The following MIA3 variants were observed in gnomAD, a reference collection of about 807,000 sequenced individuals.
MIA3 encodes the protein transport and Golgi organization protein 1 homolog.
A neutral mutation model predicts 192.4 loss-of-function variants in MIA3; 90 were observed. That is an observed-to-expected ratio of 0.47 (90% confidence interval 0.39 to 0.56). The LOEUF (loss-of-function observed/expected upper bound fraction) is 0.56, where lower values mean the gene tolerates loss of function less well. MIA3 is among the 20% of genes least tolerant of loss of function. The probability of loss-of-function intolerance (pLI) is 0.00; values close to 1 mark genes in which losing one functional copy is unlikely to be tolerated. For missense variants in MIA3, 2,123 were observed against 2,269.4 expected (o/e 0.94, Z 1.31); for synonymous variants, 740 against 792.8 (o/e 0.93, Z 1.12).
At chr1:222,636,644 C>T (rs1662638416) in intron 6 of MIA3, among the ~76,000 whole-genome samples, 1 of 151,560 alleles carries the variant, frequency 6.6e-6, no homozygotes, top group African/African-American at 2.4e-5. Flanking sequence ...TCCCAAGTAG[C>T]TGGGATTACA....
chr1:222,631,868 C>T (rs144487226), intron 4 of MIA3, among the ~76,000 whole-genome samples: 25 of 152,310 alleles, frequency 1.6e-4, no homozygotes, highest in African/African-American at 4.3e-4. Context: ...GTGGAATTCT[C>T]ATTTGCACAT....
At chr1:222,664,535 G>A (rs1323838501) in intron 27 of MIA3, among the ~76,000 whole-genome samples, 3 of 152,086 alleles carry the variant, frequency 2.0e-5, no homozygotes, top group Admixed American at 6.5e-5. Flanking sequence ...ACCCATAATG[G>A]AAGCATAAGC....
intron 7 of MIA3, chr1:222,647,986 A>G: frequency 3.0e-6 from 1 of 338,886 alleles, no homozygotes. Flanking sequence ...CTTATGGATG[A>G]TTTGTGGACT....
intron 19 of MIA3, 178 bp downstream of exon 19, chr1:222,659,001 A>T: frequency 1.9e-6 from 1 of 529,196 alleles, no homozygotes; most frequent in Non-Finnish European, 3.4e-6. Context: ...AGTGCTGGCA[A>T]AACTGTAAGG....
At position 222,665,414 on chromosome 1, in the gene MIA3, C is replaced by T. The variant is rs777336999; in HGVS notation, c.5519C>T (p.Ala1840Val). ...CCTCGGGGATTTTTACCTGGACACG[C>T]ACCATTTAGACCTTTAGGTTCACTT... ...LHPRGFLPGHAPFRPLGSLGP... is the reference protein window; with the variant it reads ...LHPRGFLPGHVPFRPLGSLGP... Residue 1840 changes from alanine (A) to valine (V), a missense_variant, in exon 28 of 28, where the codon GCA (alanine) becomes GTA (valine). Physicochemically the swap from Ala to Val is moderately conservative, Grantham distance 64 (BLOSUM62 0). Coordinates refer to ENST00000344922, the MANE Select transcript of MIA3 (RefSeq NM_198551.4). The T allele has an allele frequency of 2.5e-6, 4 of 1,613,920 alleles. No individual in the cohort carries two copies. Among genetic ancestry groups the T allele is most frequent in the Admixed American group, 3.3e-5 (2 of 59,990 alleles).
chr1:222,630,999 A>T (rs1400804220), intron 4 of MIA3, among the ~76,000 whole-genome samples: 1 of 152,178 alleles, frequency 6.6e-6, no homozygotes, highest in Non-Finnish European at 1.5e-5. Context: ...TCCTGACATA[A>T]GCATTCTGAT....
At chr1:222,622,419 C>G (rs1661913676) in intron 2 of MIA3, among the ~76,000 whole-genome samples, 1 of 152,100 alleles carries the variant, frequency 6.6e-6, no homozygotes, top group Middle Eastern at 3.2e-3. Context: ...TAGAGAAATA[C>G]CCATCCCGAC....
chr1:222,662,366 C>T, intron 26 of MIA3, 34 bp downstream of exon 26: 2 of 1,596,556 alleles, frequency 1.3e-6, no homozygotes, highest in Non-Finnish European at 1.7e-6. Flanking sequence ...TTAGTTATTT[C>T]AGGAACATTT....
intron 8 of MIA3, 75 bp from the exon 9 acceptor site, chr1:222,650,217 T>C (rs1328091424): frequency 1.2e-6 from 1 of 836,396 alleles, no homozygotes; most frequent in Non-Finnish European, 2.0e-6. Flanking sequence ...ATAACATGTC[T>C]TTGCTGCTGA....
chr1:222,630,862 C>A (rs73124815), intron 4 of MIA3, among the ~76,000 whole-genome samples: 5,545 of 152,176 alleles, frequency 0.036, 140 homozygotes, highest in East Asian at 0.12. Context: ...GGAGCACTTA[C>A]TCCAGTTAAA....
rs1231990550 is a variant in MIA3 at position 222,629,902 on chromosome 1, T to C, written c.2682T>C (p.Ser894=). ...EKYMGTESQG[S]AAAEPEDDSF... is the part of the protein sequence containing the mutation. ...ACATGGGCACAGAAAGCCAGGGGTC[T>C]GCTGCTGCAGAACCTGAAGATGACT... Residue 894 remains serine, a synonymous_variant, in exon 4 of 28, where the codon TCT becomes TCC. Transcript: ENST00000344922. The C allele has an allele frequency of 6.2e-7, 1 of 1,613,978 alleles. No homozygotes were observed. The highest frequency in any genetic ancestry group is 8.5e-7 in the Non-Finnish European group (1 of 1,180,030).
intron 20 of MIA3, 43 bp from the exon 21 acceptor site, chr1:222,659,579 A>G (rs746719673): frequency 6.2e-7 from 1 of 1,611,960 alleles, no homozygotes; most frequent in Non-Finnish European, 8.5e-7. Flanking sequence ...AGGCTATTAT[A>G]ATGAATCTGT....
chr1:222,642,613 T>C lies in MIA3; in HGVS notation c.3478-2941T>C, dbSNP rs1662913080. Among the ~76,000 whole-genome samples the C allele has an allele frequency of 2.0e-5, 3 of 152,204 alleles. 1 individual carries two copies. The highest frequency in any genetic ancestry group is 2.4e-5 in the African/African-American group (1 of 41,446). ...TTGAGTCAGTAGGTAAATACACAAGTTATTTCAGGAGACGTTGCCAAATCA... is the reference window on the plus strand; with the variant it reads ...TTGAGTCAGTAGGTAAATACACAAGCTATTTCAGGAGACGTTGCCAAATCA... On this transcript the variant is annotated intron_variant, in intron 6 of 27. Transcript: ENST00000344922.
At position 222,662,117 on chromosome 1, in the gene MIA3, T is replaced by A. The variant is rs750067027; in HGVS notation, c.5175T>A (p.Ser1725=). The change falls in exon 25 of 28, where the codon TCT becomes TCA. Residue 1725 remains serine, a synonymous_variant. Coordinates refer to ENST00000344922, the MANE Select transcript of MIA3 (RefSeq NM_198551.4). ...CAGCTGAGGCATCTGGGAAACCCTC[T>A]CCTTCTGGTAAGGGAGCAAGAGTGT... The part of the protein sequence containing the change: ...RWSAEASGKP[S]PSDPGSGTAT... 22 of 1,613,840 alleles carry A rather than the reference T, an allele frequency of 1.4e-5. No homozygotes were observed. The highest frequency in any genetic ancestry group is 1.9e-5 in the Non-Finnish European group (22 of 1,179,872).
Position 222,659,944 on chromosome 1 carries a change from A to T in MIA3, c.4913A>T (p.Glu1638Val). The change falls in exon 23 of 28, where the codon GAA becomes GTA. Residue 1638 changes from glutamate (E) to valine (V), a missense_variant. Around this residue, in one of 3 missense-constraint regions of MIA3, gnomAD observed 762 missense variants for 856.4 expected, o/e 0.89. Coordinates refer to ENST00000344922, the MANE Select transcript of MIA3 (RefSeq NM_198551.4). ...ACACAAAAGATGGCAATGCTGCAAG[A>T]AGAACCTGTGATTGTAAAACCAATG... The part of the protein sequence containing the change: ...ELTQKMAMLQ[E>V]EPVIVKPMPG... 1 of 1,613,950 alleles carries T rather than the reference A, an allele frequency of 6.2e-7. No individual in the cohort carries two copies. Among genetic ancestry groups the T allele is most frequent in the Non-Finnish European group, 8.5e-7 (1 of 1,179,868 alleles).
At chr1:222,662,483 T>C in intron 26 of MIA3, 151 bp downstream of exon 26, 5 of 1,458,106 alleles carry the variant, frequency 3.4e-6, no homozygotes, top group Non-Finnish European at 4.5e-6. Flanking sequence ...GAGCCTGAAG[T>C]CCCCTCAGTT....
At chr1:222,639,366 C>T (rs745753237) in intron 6 of MIA3, among the ~76,000 whole-genome samples, 9 of 152,114 alleles carry the variant, frequency 5.9e-5, no homozygotes, top group Non-Finnish European at 1.0e-4. Flanking sequence ...GGAGAAAATA[C>T]TTCCCAGCTC....
In MIA3 at chr1:222,628,647, G is replaced by A. The variant is rs898949984; in HGVS notation, c.1427G>A (p.Arg476Lys). 5 of 1,613,966 alleles carry A rather than the reference G, an allele frequency of 3.1e-6. No individual in the cohort carries two copies. In the East Asian group the frequency reaches 1.1e-4, roughly 36 times the overall value. Reference sequence around the variant, plus strand: ...GGGAGGGGAGTTCAGGAATCCAAGAGGGGCCTGGTACAAGATAAGACAGAA... The same window carrying A: ...GGGAGGGGAGTTCAGGAATCCAAGAAGGGCCTGGTACAAGATAAGACAGAA... Reference protein sequence around the residue: ...GKGRGVQESKRGLVQDKTELE... With the variant: ...GKGRGVQESKKGLVQDKTELE... Residue 476 changes from arginine (R) to lysine (K), a missense_variant, in exon 4 of 28, where the codon AGG becomes AAG. Physicochemically the swap from Arg to Lys is conservative, Grantham distance 26. Coordinates refer to ENST00000344922, the MANE Select transcript of MIA3 (RefSeq NM_198551.4).
At position 222,659,951 on chromosome 1, in the gene MIA3, T is replaced by C; in HGVS notation, c.4920T>C (p.Pro1640=). The change falls in exon 23 of 28, where the codon CCT becomes CCC. Residue 1640 remains proline (P), a synonymous_variant. Coordinates refer to ENST00000344922, the MANE Select transcript of MIA3 (RefSeq NM_198551.4). ...TQKMAMLQEE[P]VIVKPMPGKP... ...AGATGGCAATGCTGCAAGAAGAACC[T>C]GTGATTGTAAAACCAATGCCAGGAA... 1 of 1,613,936 alleles carries C rather than the reference T, an allele frequency of 6.2e-7. No homozygotes were observed. Among genetic ancestry groups the C allele is most frequent in the Non-Finnish European group, 8.5e-7 (1 of 1,179,870 alleles).
Sources: gnomAD v4.1 joint callset for allele counts (sites outside exome capture counted in the v4.1 genomes callset) on GRCh38, gnomAD v4.1.1 for gene constraint, gnomAD v4.1.1 regional missense constraint, MANE v1.5 for transcripts, NCBI Gene and HGNC (gene_info 2026-07-23, HGNC 2026-07-21) for gene names.